Variants in KLHL32 observed in about 807,000 individuals in gnomAD.
KLHL32 encodes the protein kelch like family member 32.
In KLHL32, 35 loss-of-function variants were observed where a neutral mutation model predicts 64.8. That is an observed-to-expected ratio of 0.54 (90% CI 0.41 to 0.72). KLHL32 has a LOEUF of 0.72. KLHL32 is among the 30% of genes least tolerant of loss of function. The pLI is 0.00. For missense variants in KLHL32, 589 were observed against 768.5 expected (o/e 0.77, Z 2.76); for synonymous variants, 259 against 281.0 (o/e 0.92, Z 0.78).
At chr6:96,952,209 T>C (rs1400970603) in intron 1 of KLHL32, among the ~76,000 whole-genome samples, 1 of 152,212 alleles carries the variant, frequency 6.6e-6, no homozygotes, top group Non-Finnish European at 1.5e-5. Context: ...ACTGGAATAA[T>C]TGGGTAAATA....
chr6:96,936,559 C>T (rs1347545828), intron 1 of KLHL32, among the ~76,000 whole-genome samples: 1 of 152,210 alleles, frequency 6.6e-6, no homozygotes, highest in Non-Finnish European at 1.5e-5. Context: ...AAAGTATACC[C>T]AGAATCTGAC....
chr6:97,103,403 T>A (rs146607406), intron 6 of KLHL32, among the ~76,000 whole-genome samples: 7 of 152,052 alleles, frequency 4.6e-5, no homozygotes, highest in Admixed American at 2.6e-4. Context: ...TTGGTAGAGA[T>A]GGGGTTTCAC....
At chr6:96,978,924 G>T (rs967808511) in intron 3 of KLHL32, among the ~76,000 whole-genome samples, 4 of 152,172 alleles carry the variant, frequency 2.6e-5, no homozygotes, top group African/African-American at 7.2e-5. Flanking sequence ...TTATATGCTT[G>T]TTGGCTGCAT....
intron 6 of KLHL32, among the ~76,000 whole-genome samples, chr6:97,111,360 C>T (rs753533929): frequency 9.2e-5 from 14 of 152,338 alleles, no homozygotes; most frequent in African/African-American, 2.4e-4. Context: ...AGATCCTGGG[C>T]GGGCCTCCAG....
chr6:97,074,869 T>A (rs1315006810), intron 5 of KLHL32, among the ~76,000 whole-genome samples: 5 of 150,888 alleles, frequency 3.3e-5, no homozygotes, highest in Admixed American at 6.6e-5. Context: ...TAAAAGAAAA[T>A]ATATATATAT....
intron 5 of KLHL32, among the ~76,000 whole-genome samples, chr6:97,079,899 A>C (rs1792223110): frequency 6.6e-6 from 1 of 152,184 alleles, no homozygotes; most frequent in Admixed American, 6.5e-5. Flanking sequence ...TTTACTCAAG[A>C]GAGTTTCTTG....
intron 4 of KLHL32, among the ~76,000 whole-genome samples, chr6:97,043,533 A>T (rs146044684): frequency 1.3e-3 from 201 of 152,302 alleles, no homozygotes; most frequent in African/African-American, 4.7e-3. Context: ...ATGGGTAGGC[A>T]GATGTCTCTA....
upstream of KLHL32, among the ~76,000 whole-genome samples, chr6:96,923,304 A>G (rs912137764): frequency 1.3e-5 from 2 of 152,246 alleles, no homozygotes; most frequent in African/African-American, 4.8e-5. Flanking sequence ...GTCACTGTCA[A>G]TATTTTTGGT....
intron 2 of KLHL32, among the ~76,000 whole-genome samples, chr6:96,974,145 A>T (rs1775447645): frequency 6.6e-6 from 1 of 152,196 alleles, no homozygotes; most frequent in African/African-American, 2.4e-5. Flanking sequence ...AGATAATAAT[A>T]GTACCTGCCT....
chr6:96,926,650 A>C (rs148366098), intron 1 of KLHL32, among the ~76,000 whole-genome samples: 37 of 152,316 alleles, frequency 2.4e-4, no homozygotes, highest in African/African-American at 8.7e-4. Context: ...GGAGTGGAGC[A>C]GGCCTAGACA....
At chr6:96,988,246 C>G (rs1190541571) in intron 3 of KLHL32, among the ~76,000 whole-genome samples, 3 of 152,154 alleles carry the variant, frequency 2.0e-5, no homozygotes, top group Non-Finnish European at 1.5e-5. Flanking sequence ...TGAACTCAAA[C>G]AAATCTACAA....
chr6:96,976,273 AC>A (rs1464294720), intron 3 of KLHL32, 96 bp downstream of exon 3: 5 of 1,192,744 alleles, frequency 4.2e-6, no homozygotes, highest in Non-Finnish European at 5.8e-6. Context: ...ATTAGGTGGT[AC>A]CCCCAGAGCT....
intron 3 of KLHL32, among the ~76,000 whole-genome samples, chr6:96,992,449 A>T (rs559679786): frequency 6.6e-6 from 1 of 152,148 alleles, no homozygotes; most frequent in South Asian, 2.1e-4. Flanking sequence ...GCTAATGTTT[A>T]CTCACTACTC....
chr6:96,980,202 G>A (rs1449161116), intron 3 of KLHL32, among the ~76,000 whole-genome samples: 1 of 152,056 alleles, frequency 6.6e-6, no homozygotes, highest in Non-Finnish European at 1.5e-5. Flanking sequence ...GTACTATGTT[G>A]AATAGGAGTG....
At chr6:97,111,690 G>T (rs564161851) in intron 6 of KLHL32, among the ~76,000 whole-genome samples, 11 of 152,292 alleles carry the variant, frequency 7.2e-5, no homozygotes, top group African/African-American at 2.2e-4. Context: ...TCAGTGGAGG[G>T]TCACCCTCTT....
chr6:97,066,405 G>A (rs1789750857), intron 5 of KLHL32, among the ~76,000 whole-genome samples: 1 of 152,194 alleles, frequency 6.6e-6, no homozygotes, highest in Admixed American at 6.5e-5. Context: ...TCAGATGGGT[G>A]ATCTGTTGAG....
intron 5 of KLHL32, among the ~76,000 whole-genome samples, chr6:97,068,041 C>T (rs1232917304): frequency 1.3e-5 from 2 of 151,858 alleles, no homozygotes; most frequent in Non-Finnish European, 2.9e-5. Flanking sequence ...CACATACACA[C>T]ACCATCACCT....
At chr6:96,922,797 T>C (rs897690289), upstream of KLHL32, among the ~76,000 whole-genome samples, 60 of 152,160 alleles carry the variant, frequency 3.9e-4, no homozygotes, top group African/African-American at 1.4e-3. Context: ...CTGCAACATA[T>C]GTTTGTGTTG....
At position 97,114,384 on chromosome 6, in the gene KLHL32, G is replaced by A. The variant is rs150244885; in HGVS notation, c.1229G>A (p.Arg410His). ...LYAVGGRNEL[R>H]QVLPTVERYC... The stretch of plus-strand genomic sequence containing the variant: ...GCAGTTGGGGGCAGAAATGAACTGC[G>A]CCAGGTTCTGCCTACAGTTGAGCGA... Residue 410 changes from arginine to histidine, a missense_variant, in exon 7 of 11, where the codon CGC (arginine) becomes CAC (histidine). This residue lies in a region of KLHL32 where 226 missense variants were observed against 353.2 expected (regional missense o/e 0.64). Coordinates refer to ENST00000369261, the MANE Select transcript of KLHL32 (RefSeq NM_052904.4). The A allele has an allele frequency of 4.1e-5, 66 of 1,614,066 alleles. No homozygotes were observed. Among genetic ancestry groups the A allele is most frequent in the Admixed American group, 3.0e-4 (18 of 60,004 alleles).
Sources: allele counts gnomAD v4.1 joint callset (sites outside exome capture counted in the v4.1 genomes callset), GRCh38; gene constraint gnomAD v4.1.1; regional missense constraint gnomAD v4.1.1; transcripts MANE v1.5; gene names NCBI Gene and HGNC (gene_info 2026-07-23, HGNC 2026-07-21).